TTLL5: variants seen among roughly 807,000 people sequenced by gnomAD.
The protein encoded by TTLL5 is tubulin tyrosine ligase like 5, also known as tubulin polyglutamylase TTLL5.
Under a neutral mutation model 168.4 loss-of-function variants are expected in TTLL5, and 132 were observed. The ratio of observed to expected loss-of-function variants is 0.78; its 90% CI spans 0.68 to 0.91. The LOEUF (loss-of-function observed/expected upper bound fraction) is 0.91. Ranked by LOEUF, TTLL5 falls within the 40% of genes least tolerant of loss-of-function variation. The probability of loss-of-function intolerance (pLI) is 0.00; values close to 1 mark genes in which losing one functional copy is unlikely to be tolerated. For missense variants in TTLL5, 1,545 were observed against 1,581.5 expected, an observed-to-expected ratio of 0.98 and a Z score of 0.39; for synonymous variants, 546 against 558.6, an observed-to-expected ratio of 0.98 and a Z score of 0.32.
chr14:75,710,799 A>C (rs1339001279), intron 9 of TTLL5: 1 of 152,216 alleles, frequency 6.6e-6, no homozygotes, highest in Non-Finnish European at 1.5e-5. Flanking sequence ...ATCTTGGGCC[A>C]CATGTAATTT....
intron 28 of TTLL5, among the ~76,000 whole-genome samples, chr14:75,834,648 T>C (rs560661265): frequency 3.3e-5 from 5 of 152,192 alleles, no homozygotes; most frequent in Non-Finnish European, 1.5e-5. Flanking sequence ...TGGGCAGTTC[T>C]TTAGCCTACT....
At chr14:75,726,755 G>A (rs1360289843) in intron 12 of TTLL5, among the ~76,000 whole-genome samples, 2 of 152,176 alleles carry the variant, frequency 1.3e-5, no homozygotes, top group African/African-American at 4.8e-5. Context: ...TAGGGTTATG[G>A]AGGTGGATTT....
At chr14:75,811,154 A>AGTGT (rs1555347969) in intron 27 of TTLL5, among the ~76,000 whole-genome samples, 1 of 2,406 alleles carries the variant, frequency 4.2e-4, no homozygotes, top group South Asian at 0.038. Flanking sequence ...AATGAAAGAA[A>AGTGT]GAGTGTGTGT....
At chr14:75,671,050 G>A (rs1302681551) in intron 3 of TTLL5, among the ~76,000 whole-genome samples, 2 of 152,086 alleles carry the variant, frequency 1.3e-5, no homozygotes, top group Non-Finnish European at 2.9e-5. Flanking sequence ...GGGCTCAATA[G>A]TCTTTGATCC....
chr14:75,729,177 G>T (rs1888374861), intron 12 of TTLL5, among the ~76,000 whole-genome samples: 1 of 152,162 alleles, frequency 6.6e-6, no homozygotes, highest in Non-Finnish European at 1.5e-5. Flanking sequence ...CATAAGGCAT[G>T]CAATAGTCCT....
intron 28 of TTLL5, among the ~76,000 whole-genome samples, chr14:75,843,232 G>A (rs1215397539): frequency 6.6e-6 from 1 of 152,186 alleles, no homozygotes; most frequent in Admixed American, 6.5e-5. Flanking sequence ...GTGTGGAAGT[G>A]CATGCACTTA....
chr14:75,717,794 C>T (rs748064801), intron 9 of TTLL5, 67 bp from the exon 10 acceptor site: 101 of 1,441,994 alleles, frequency 7.0e-5, no homozygotes, highest in Admixed American at 1.2e-4. Flanking sequence ...TCTCATTGAT[C>T]CTCAGTTCCA....
intron 28 of TTLL5, among the ~76,000 whole-genome samples, chr14:75,827,295 G>A (rs2140429387): frequency 6.6e-6 from 1 of 152,288 alleles, no homozygotes; most frequent in Middle Eastern, 3.4e-3. Flanking sequence ...TTATAGCAGG[G>A]AAAGCAGTAA....
intron 5 of TTLL5, among the ~76,000 whole-genome samples, chr14:75,689,214 G>A (rs1885279556): frequency 6.6e-6 from 1 of 152,204 alleles, no homozygotes; most frequent in Non-Finnish European, 1.5e-5. Context: ...CCATGTGAGT[G>A]ATGAGCCATC....
chr14:75,831,025 A>T (rs1895530726), intron 28 of TTLL5, among the ~76,000 whole-genome samples: 1 of 152,234 alleles, frequency 6.6e-6, no homozygotes, highest in South Asian at 2.1e-4. Flanking sequence ...AAATTAAATA[A>T]AATGAAAATT....
intron 22 of TTLL5, 125 bp from the exon 23 acceptor site, chr14:75,776,622 G>T: frequency 1.8e-6 from 1 of 566,746 alleles, no homozygotes; most frequent in Non-Finnish European, 3.0e-6. Flanking sequence ...GTACATACAA[G>T]AATTAAATGT....
chr14:75,771,641 G>A (rs1595008652), intron 20 of TTLL5, 93 bp from the exon 21 acceptor site: 1 of 1,555,898 alleles, frequency 6.4e-7, no homozygotes, highest in South Asian at 1.2e-5. Flanking sequence ...CATAATAGAA[G>A]CATCCTCAAA....
intron 27 of TTLL5, among the ~76,000 whole-genome samples, chr14:75,811,819 C>T (rs1173860391): frequency 6.6e-6 from 1 of 152,178 alleles, no homozygotes; most frequent in East Asian, 1.9e-4. Context: ...TGGTGGGTAT[C>T]TTCTAAGAAT....
At chr14:75,815,365 T>G (rs1036978246) in intron 27 of TTLL5, among the ~76,000 whole-genome samples, 3 of 152,232 alleles carry the variant, frequency 2.0e-5, no homozygotes, top group African/African-American at 7.2e-5. Flanking sequence ...TTTTGCTGTT[T>G]CTCAAATTAA....
intron 2 of TTLL5, among the ~76,000 whole-genome samples, chr14:75,664,767 G>A (rs1299284142): frequency 6.6e-6 from 1 of 152,178 alleles, no homozygotes; most frequent in African/African-American, 2.4e-5. Context: ...TGCTTTCGGT[G>A]TGCTGCCTCT....
intron 17 of TTLL5, among the ~76,000 whole-genome samples, chr14:75,746,130 GT>G (rs1889593964): frequency 6.6e-6 from 1 of 152,048 alleles, no homozygotes; most frequent in Admixed American, 6.5e-5. Flanking sequence ...TGACATTACA[GT>G]TTTTCTACAG....
chr14:75,832,974 C>T (rs947444245), intron 28 of TTLL5, among the ~76,000 whole-genome samples: 2 of 152,166 alleles, frequency 1.3e-5, no homozygotes, highest in Non-Finnish European at 2.9e-5. Context: ...GCTTGTCCAT[C>T]CAGTTCCCAG....
chr14:75,747,941 C>T (rs1216732393), intron 17 of TTLL5, among the ~76,000 whole-genome samples: 2 of 152,162 alleles, frequency 1.3e-5, no homozygotes, highest in African/African-American at 4.8e-5. Flanking sequence ...ACTTCTTCTC[C>T]AGGACATTGC....
At chr14:75,732,230 C>A in intron 12 of TTLL5, 108 bp from the exon 13 acceptor site, 2 of 826,672 alleles carry the variant, frequency 2.4e-6, no homozygotes, top group East Asian at 2.8e-5. Flanking sequence ...GCTACTTACA[C>A]TCAGTGAGTT....
Sources: gnomAD v4.1 joint callset for allele counts (sites outside exome capture counted in the v4.1 genomes callset) on GRCh38, gnomAD v4.1.1 for gene constraint, MANE v1.5 for transcripts, NCBI Gene and HGNC (gene_info 2026-07-23, HGNC 2026-07-21) for gene names.